TG: variants seen among roughly 807,000 people sequenced by gnomAD.
The protein encoded by TG is thyroglobulin.
In TG, 270 loss-of-function variants were observed where a neutral mutation model predicts 324.7. That is an observed-to-expected ratio of 0.83 (90% CI 0.75 to 0.92). TG has a LOEUF of 0.92. Ranked by LOEUF, TG falls within the 40% of genes least tolerant of loss-of-function variation. The pLI, the probability that TG is intolerant of heterozygous loss-of-function variation, is 0.00. For missense variants in TG, 3,591 were observed against 3,456.4 expected (o/e 1.04, Z -0.98); for synonymous variants, 1,401 against 1,327.0 (o/e 1.06, Z -1.21).
At chr8:132,961,168 G>T (rs1238407432) in intron 28 of TG, 95 bp downstream of exon 28, 13 of 1,247,554 alleles carry the variant, frequency 1.0e-5, no homozygotes, top group Non-Finnish European at 1.5e-5. Context: ...TATTTCTGTA[G>T]AGGAATAGGT....
At chr8:132,995,654 T>G (rs1292505937) in intron 35 of TG, 6 of 428,376 alleles carry the variant, frequency 1.4e-5, no homozygotes, top group African/African-American at 1.3e-4. Context: ...TCTCTCCATG[T>G]AGCTTTTGTG....
At chr8:133,094,999 G>A in intron 41 of TG, 45 bp from the exon 42 acceptor site, 1 of 1,611,960 alleles carries the variant, frequency 6.2e-7, no homozygotes, top group Non-Finnish European at 8.5e-7. Flanking sequence ...AGCAGGGGCT[G>A]AAGATGATCT....
chr8:133,015,593 C>T (rs1834953704), intron 37 of TG, among the ~76,000 whole-genome samples: 1 of 152,176 alleles, frequency 6.6e-6, no homozygotes, highest in Non-Finnish European at 1.5e-5. Context: ...CCTGCATTCC[C>T]CCAAAATTCT....
At chr8:132,946,419 C>T (rs1825303467) in intron 26 of TG, among the ~76,000 whole-genome samples, 1 of 152,134 alleles carries the variant, frequency 6.6e-6, no homozygotes, top group South Asian at 2.1e-4. Flanking sequence ...GTCAAGCCTT[C>T]TTTGAGATAC....
chr8:133,030,436 A>T (rs930641026), intron 41 of TG, among the ~76,000 whole-genome samples: 1 of 152,178 alleles, frequency 6.6e-6, no homozygotes, highest in Non-Finnish European at 1.5e-5. Context: ...GATGGTGGTA[A>T]TGATGATAAT....
At chr8:133,052,697 G>A (rs146954391) in intron 41 of TG, among the ~76,000 whole-genome samples, 7 of 152,344 alleles carry the variant, frequency 4.6e-5, no homozygotes, top group African/African-American at 1.7e-4. Flanking sequence ...AGGGCATAAA[G>A]CTTAAGCAAA....
intron 41 of TG, among the ~76,000 whole-genome samples, chr8:133,067,925 G>A (rs1564145953): frequency 7.1e-6 from 1 of 140,894 alleles, no homozygotes; most frequent in Admixed American, 7.2e-5. Flanking sequence ...GAAAGAGAGA[G>A]AGAGAGAAAG....
chr8:132,882,980 A>T lies in TG; in HGVS notation c.1056A>T (p.Gln352His). The change falls in exon 8 of 48, where the codon CAA becomes CAT. Residue 352 changes from glutamine to histidine, a missense_variant. Coordinates refer to ENST00000220616, the MANE Select transcript of TG (RefSeq NM_003235.5). ...AGGAAATGCATGGAACCCGGCAGCA[A>T]GGGGAGCCGCCATCTTGTGGTGGGT... ...QGKEMHGTRQQGEPPSCAEGQ... is the reference protein window; with the variant it reads ...QGKEMHGTRQHGEPPSCAEGQ... 6.2e-7 allele frequency: 1 copy of T among 1,613,960 alleles called. No individual in the cohort carries two copies. The highest frequency in any genetic ancestry group is 8.5e-7 in the Non-Finnish European group (1 of 1,179,946).
chr8:133,039,196 T>C (rs938207464), intron 41 of TG, among the ~76,000 whole-genome samples: 4 of 152,212 alleles, frequency 2.6e-5, no homozygotes, highest in African/African-American at 9.6e-5. Flanking sequence ...ACTATTCTAG[T>C]TATTACCCTA....
intron 41 of TG, chr8:133,075,011 A>C (rs2131469782): frequency 1.0e-6 from 1 of 985,452 alleles, no homozygotes; most frequent in Non-Finnish European, 1.2e-6. Flanking sequence ...ACACAGAAGA[A>C]CTGCAGTTGC....
rs1476961905 is a variant in TG at position 133,017,819 on chromosome 8, C to T, written c.6604C>T (p.Pro2202Ser). The T allele has an allele frequency of 1.2e-6, 2 of 1,614,234 alleles. No homozygotes were observed. The highest frequency in any genetic ancestry group is 1.7e-5 in the Admixed American group (1 of 60,034). ...CTATGAGGCATCTGTACCTTCTGTG[C>T]CCATTTCCACCCATGGCCGGCTGCT... ...LSYEASVPSV[P>S]ISTHGRLLGR... Residue 2202 changes from proline (P) to serine (S), a missense_variant, in exon 38 of 48, where the codon CCC (proline) becomes TCC (serine). Coordinates refer to ENST00000220616, the MANE Select transcript of TG (RefSeq NM_003235.5).
intron 41 of TG, among the ~76,000 whole-genome samples, chr8:133,065,510 CTA>C (rs1431106747): frequency 6.6e-6 from 1 of 152,184 alleles, no homozygotes; most frequent in African/African-American, 2.4e-5. Context: ...ACCTGTGATC[CTA>C]GCACTTTGGG....
At chr8:133,022,236 C>G in intron 40 of TG, 86 bp downstream of exon 40, 1 of 1,573,142 alleles carries the variant, frequency 6.4e-7, no homozygotes, top group Non-Finnish European at 8.7e-7. Context: ...CTCACTGCCC[C>G]TGCTCCTCCT....
intron 21 of TG, 131 bp downstream of exon 21, chr8:132,919,656 G>C: frequency 2.3e-6 from 3 of 1,302,548 alleles, no homozygotes; most frequent in Non-Finnish European, 3.3e-6. Context: ...CCTGTGCTTG[G>C]TAGGATATTT....
intron 40 of TG, among the ~76,000 whole-genome samples, chr8:133,026,552 A>G (rs1836099801): frequency 6.6e-6 from 1 of 152,196 alleles, no homozygotes; most frequent in African/African-American, 2.4e-5. Context: ...AATGCAGTGA[A>G]GGGAACTGGG....
intron 18 of TG, 105 bp from the exon 19 acceptor site, chr8:132,911,272 G>A (rs1018914406): frequency 1.2e-6 from 2 of 1,601,948 alleles, no homozygotes; most frequent in African/African-American, 2.7e-5. Context: ...GTTGGTGGAG[G>A]ATTGAAGGAA....
intron 44 of TG, among the ~76,000 whole-genome samples, chr8:133,115,347 C>G (rs1028288749): frequency 2.0e-5 from 3 of 152,150 alleles, no homozygotes; most frequent in Non-Finnish European, 4.4e-5. Context: ...CACCCGAGGC[C>G]TGCCAGTGCG....
Position 132,883,080 on chromosome 8 carries a change from C to G in TG, c.1075+81C>G, listed in dbSNP as rs1488947778. The G allele has an allele frequency of 4.7e-6, 7 of 1,492,520 alleles. No homozygotes were observed. The East Asian group carries it at 1.2e-4, about 26-fold the overall frequency. 92.5% of individuals were successfully genotyped at this position (1,492,520 alleles called of 1,614,324 possible). On this transcript the variant is annotated intron_variant, in intron 8 of 47. Coordinates refer to ENST00000220616, the MANE Select transcript of TG (RefSeq NM_003235.5). The stretch of plus-strand genomic sequence containing the variant: ...TCCTCCAGACCAACCTCTCTGGACC[C>G]CATTAATTCAACTGCCTTCTAGTGT...
At chr8:132,974,609 A>T (rs1222322446) in intron 34 of TG, among the ~76,000 whole-genome samples, 1 of 152,252 alleles carries the variant, frequency 6.6e-6, no homozygotes, top group Non-Finnish European at 1.5e-5. Flanking sequence ...GGTCTTTCAC[A>T]TCCCAAAAAT....
Sources: gnomAD v4.1 joint callset for allele counts (sites outside exome capture counted in the v4.1 genomes callset) on GRCh38, gnomAD v4.1.1 for gene constraint, MANE v1.5 for transcripts, NCBI Gene and HGNC (gene_info 2026-07-23, HGNC 2026-07-21) for gene names.